BANK1: variants seen among roughly 807,000 people sequenced by gnomAD.
BANK1 encodes B cell scaffold protein with ankyrin repeats 1, also known as B-cell scaffold protein with ankyrin repeats.
Under a neutral mutation model 94.5 loss-of-function variants are expected in BANK1, and 95 were observed. That is an observed-to-expected ratio of 1.00 (90% confidence interval 0.85 to 1.19). BANK1 has a LOEUF of 1.19. Ranked by LOEUF, BANK1 falls within the 50% of genes most tolerant of loss-of-function variation. The probability of loss-of-function intolerance (pLI) is 0.00; values close to 1 mark genes in which losing one functional copy is unlikely to be tolerated. For synonymous variants in BANK1, 334 were observed against 308.4 expected (o/e 1.08, Z -0.87); for missense variants, 987 against 932.2 (o/e 1.06, Z -0.77).
chr4:101,830,584 G>A (rs566348536), intron 2 of BANK1, among the ~76,000 whole-genome samples: 10 of 152,258 alleles, frequency 6.6e-5, no homozygotes, highest in African/African-American at 2.4e-4. Flanking sequence ...CCAGTCAGTA[G>A]CAGTTCAAGG....
At chr4:101,910,696 A>G (rs1001138510) in intron 6 of BANK1, among the ~76,000 whole-genome samples, 11 of 118,314 alleles carry the variant, frequency 9.3e-5, no homozygotes, top group Admixed American at 5.2e-4. Context: ...TCCGTCTCGA[A>G]AAAAAAAAAA....
intron 5 of BANK1, among the ~76,000 whole-genome samples, chr4:101,892,134 C>CTACA (rs1721899673): frequency 6.6e-6 from 1 of 151,342 alleles, no homozygotes; most frequent in Admixed American, 6.6e-5. Flanking sequence ...AGTAGGACTA[C>CTACA]TACATCTTTC....
intron 5 of BANK1, among the ~76,000 whole-genome samples, chr4:101,871,017 T>C (rs968459041): frequency 2.0e-5 from 3 of 152,098 alleles, no homozygotes; most frequent in African/African-American, 7.2e-5. Flanking sequence ...ATCATCTGTC[T>C]CATGCTTTGA....
chr4:101,963,088 C>T (rs1033919452), intron 7 of BANK1, among the ~76,000 whole-genome samples: 5 of 151,958 alleles, frequency 3.3e-5, no homozygotes, highest in Admixed American at 6.6e-5. Context: ...TTTGGACTTG[C>T]GGTATATTTC....
intron 10 of BANK1, among the ~76,000 whole-genome samples, chr4:102,035,049 C>G (rs956060249): frequency 6.6e-6 from 1 of 152,130 alleles, no homozygotes; most frequent in African/African-American, 2.4e-5. Context: ...TGAATATTAA[C>G]TGAATGAAAT....
chr4:101,843,168 T>A (rs1727121039), intron 2 of BANK1, among the ~76,000 whole-genome samples: 1 of 152,232 alleles, frequency 6.6e-6, no homozygotes, highest in South Asian at 2.1e-4. Flanking sequence ...CAGTGTCCAC[T>A]TTTTTAATGT....
intron 7 of BANK1, among the ~76,000 whole-genome samples, chr4:101,943,545 G>T (rs995012387): frequency 3.3e-5 from 5 of 151,798 alleles, no homozygotes; most frequent in Admixed American, 2.0e-4. Flanking sequence ...AAATGGTGGG[G>T]CTCCTAACTG....
intron 10 of BANK1, among the ~76,000 whole-genome samples, chr4:102,043,466 A>G (rs1046740156): frequency 3.9e-5 from 6 of 152,052 alleles, no homozygotes; most frequent in African/African-American, 1.4e-4. Context: ...CTTATCATCA[A>G]AAAGTCAGCA....
intron 1 of BANK1, among the ~76,000 whole-genome samples, chr4:101,793,042 A>C (rs141059347): frequency 3.6e-4 from 55 of 152,332 alleles, no homozygotes; most frequent in African/African-American, 1.3e-3. Context: ...TTATTTATTA[A>C]ATCACAGATT....
intron 7 of BANK1, among the ~76,000 whole-genome samples, chr4:102,004,441 C>G (rs1726180441): frequency 6.6e-6 from 1 of 152,126 alleles, no homozygotes; most frequent in Admixed American, 6.5e-5. Flanking sequence ...CCAATCACGT[C>G]AAAAATATAA....
intron 7 of BANK1, among the ~76,000 whole-genome samples, chr4:101,936,550 A>G (rs1282041773): frequency 6.6e-6 from 1 of 150,710 alleles, no homozygotes; most frequent in Non-Finnish European, 1.5e-5. Context: ...ACATACACGT[A>G]TACATATATG....
intron 5 of BANK1, among the ~76,000 whole-genome samples, chr4:101,875,094 A>G (rs748185097): frequency 1.3e-5 from 2 of 152,180 alleles, no homozygotes; most frequent in Non-Finnish European, 2.9e-5. Context: ...TCAGGTGAGC[A>G]CTTAAAGAAT....
At chr4:101,950,224 T>TGG (rs1177888547) in intron 7 of BANK1, among the ~76,000 whole-genome samples, 1 of 152,168 alleles carries the variant, frequency 6.6e-6, no homozygotes, top group Non-Finnish European at 1.5e-5. Context: ...ATTATTATTC[T>TGG]GTTTCTACTT....
chr4:101,979,415 C>T (rs890798983), intron 7 of BANK1, among the ~76,000 whole-genome samples: 1 of 151,814 alleles, frequency 6.6e-6, no homozygotes, highest in Non-Finnish European at 1.5e-5. Context: ...AGTAGAAAAA[C>T]TCCCTGTTTC....
Position 102,025,399 on chromosome 4 carries a change from A to G in BANK1, c.1484A>G (p.Asp495Gly), listed in dbSNP as rs147307680. 1.5e-5 allele frequency: 24 copies of G among 1,613,948 alleles called. No homozygotes were observed. The highest frequency in any genetic ancestry group is 2.0e-5 in the Non-Finnish European group (24 of 1,180,008). The change falls in exon 9 of 17, where the codon GAT becomes GGT. Residue 495 changes from aspartate to glycine, a missense_variant. Asp to Gly is a moderately conservative substitution (Grantham distance 94). Coordinates refer to ENST00000322953, the MANE Select transcript of BANK1 (RefSeq NM_017935.5). ...TTGTATGTGTTCATTCCTGGTGCTG[A>G]TCCAGAAAATAATTCACAAGAGCCA... is the stretch of plus-strand genomic sequence containing the variant. The part of the protein sequence containing the change: ...DDLYVFIPGA[D>G]PENNSQEPLM...
chr4:101,977,746 A>G (rs1004563280), intron 7 of BANK1, among the ~76,000 whole-genome samples: 3 of 152,158 alleles, frequency 2.0e-5, no homozygotes, highest in Non-Finnish European at 4.4e-5. Context: ...TATCTTTAAC[A>G]AAAAATGAGT....
intron 2 of BANK1, among the ~76,000 whole-genome samples, chr4:101,830,481 T>C (rs1411200602): frequency 6.6e-6 from 1 of 152,046 alleles, no homozygotes. Flanking sequence ...GCAGAACAAG[T>C]ATGGTATGCT....
intron 7 of BANK1, among the ~76,000 whole-genome samples, chr4:101,958,690 A>G (rs1724456822): frequency 6.6e-6 from 1 of 152,230 alleles, no homozygotes; most frequent in Non-Finnish European, 1.5e-5. Flanking sequence ...GCATGTGGAC[A>G]TAAGGATGTC....
At chr4:102,026,552 G>A (rs1727103879) in intron 9 of BANK1, among the ~76,000 whole-genome samples, 1 of 152,092 alleles carries the variant, frequency 6.6e-6, no homozygotes, top group South Asian at 2.1e-4. Flanking sequence ...ATTTGGGCTG[G>A]GCACAGTGGC....
Sources: allele counts gnomAD v4.1 joint callset (sites outside exome capture counted in the v4.1 genomes callset), GRCh38; gene constraint gnomAD v4.1.1; transcripts MANE v1.5; gene names NCBI Gene and HGNC (gene_info 2026-07-23, HGNC 2026-07-21).